SLC25A44: variants seen among roughly 807,000 people sequenced by gnomAD.
SLC25A44 encodes the protein solute carrier family 25, member 44.
A neutral mutation model predicts 29.9 loss-of-function variants in SLC25A44; 17 were observed. That is an observed-to-expected ratio of 0.57 (90% CI 0.39 to 0.85). SLC25A44 has a LOEUF of 0.85. SLC25A44 is among the 40% of genes least tolerant of loss of function. SLC25A44 has a pLI of 0.00. For synonymous variants in SLC25A44, 140 were observed against 151.8 expected, an observed-to-expected ratio of 0.92 and a Z score of 0.57; for missense variants, 302 against 398.4, an observed-to-expected ratio of 0.76 and a Z score of 2.06.
At chr1:156,201,086 G>A (rs903059753) in intron 2 of SLC25A44, among the ~76,000 whole-genome samples, 12 of 151,746 alleles carry the variant, frequency 7.9e-5, no homozygotes, top group African/African-American at 2.9e-4. Flanking sequence ...TGCCCGCCTC[G>A]GCCTCCCAAA....
intron 3 of SLC25A44, among the ~76,000 whole-genome samples, chr1:156,209,998 C>G (rs924013133): frequency 6.6e-6 from 1 of 151,896 alleles, no homozygotes; most frequent in African/African-American, 2.4e-5. Context: ...AATTGGGGCA[C>G]AAAGAGTTAA....
intron 2 of SLC25A44, among the ~76,000 whole-genome samples, chr1:156,206,046 T>G (rs1264257171): frequency 6.6e-6 from 1 of 152,208 alleles, no homozygotes; most frequent in East Asian, 1.9e-4. Context: ...TTTCTTGATA[T>G]AGGCTGGAGA....
At chr1:156,196,365 G>C (rs762636400) in intron 1 of SLC25A44, 2 of 152,166 alleles carry the variant, frequency 1.3e-5, no homozygotes, top group Admixed American at 6.5e-5. Context: ...TCCCTCTAAG[G>C]CATGACCCTT....
rs1027143799 is a variant in SLC25A44, at chr1:156,210,155, C to T, written c.754-85C>T. The T allele has an allele frequency of 1.1e-5, 11 of 994,298 alleles. No homozygotes were observed. The African/African-American group carries it at 1.3e-4, about 12-fold the overall frequency. 61.6% of individuals were successfully genotyped at this position (994,298 alleles called of 1,614,324 possible). On this transcript the variant is annotated intron_variant, in intron 3 of 3. Transcript: ENST00000359511. ...CCTTCCGACGTCGGAGTCTGGTTCTCCCCACTTTAGCCTAAGGCAGAGGGA... is the reference window on the plus strand; with the variant it reads ...CCTTCCGACGTCGGAGTCTGGTTCTTCCCACTTTAGCCTAAGGCAGAGGGA...
At chr1:156,202,134 T>C (rs1202993158) in intron 2 of SLC25A44, among the ~76,000 whole-genome samples, 1 of 152,204 alleles carries the variant, frequency 6.6e-6, no homozygotes. Context: ...GACTACTCCT[T>C]CTTTCTTGTC....
chr1:156,201,224 C>T (rs1160542735), intron 2 of SLC25A44, among the ~76,000 whole-genome samples: 3 of 152,070 alleles, frequency 2.0e-5, no homozygotes, highest in African/African-American at 7.3e-5. Context: ...TTAAGTATTT[C>T]CTATTTCCTA....
intron 2 of SLC25A44, among the ~76,000 whole-genome samples, chr1:156,203,699 C>CTTTTTTTTT (rs56890643): frequency 3.7e-5 from 4 of 106,782 alleles, no homozygotes; most frequent in African/African-American, 1.2e-4. Context: ...ATTCTCTTTC[C>CTTTTTTTTT]TTTTTTTTTT....
intron 2 of SLC25A44, 44 bp from the exon 3 acceptor site, chr1:156,207,842 G>A (rs1657052030): frequency 1.9e-6 from 3 of 1,610,848 alleles, no homozygotes; most frequent in South Asian, 2.2e-5. Context: ...GGGCAGACCG[G>A]TGGTGCTTTG....
intron 2 of SLC25A44, among the ~76,000 whole-genome samples, chr1:156,202,462 C>T (rs1558179198): frequency 1.3e-5 from 2 of 152,208 alleles, no homozygotes; most frequent in Non-Finnish European, 2.9e-5. Flanking sequence ...GTGCTGTAGC[C>T]TGGGCAGGTA....
chr1:156,206,016 A>T (rs1195579877), intron 2 of SLC25A44, among the ~76,000 whole-genome samples: 1 of 152,180 alleles, frequency 6.6e-6, no homozygotes, highest in Non-Finnish European at 1.5e-5. Context: ...CTTCATTAGC[A>T]TTTTGAAAGA....
chr1:156,196,252 T>C (rs1656204651), intron 1 of SLC25A44: 1 of 152,220 alleles, frequency 6.6e-6, no homozygotes, highest in Admixed American at 6.5e-5. Context: ...TTGGAAGTTA[T>C]GTAACAGAGC....
chr1:156,210,585 T>C lies in SLC25A44; in HGVS notation c.*154T>C. 2.2e-6 allele frequency: 1 copy of C among 455,024 alleles called. No individual in the cohort carries two copies. Among genetic ancestry groups the C allele is most frequent in the Non-Finnish European group, 3.9e-6 (1 of 257,698 alleles). The allele number at this position is 455,024 out of a possible 1,614,324, so 28.2% of individuals were successfully genotyped here. A position where few individuals can be genotyped will look rare whatever the true frequency, so the allele number is the denominator to read the frequency against. On this transcript the variant is annotated 3_prime_UTR_variant, in exon 4 of 4. Transcript: ENST00000359511. ...TGGGATAGGGATAGAGACTTTGAAC[T>C]GCTCTTGCTGAAGAGGCTCCACGCC...
chr1:156,205,046 A>C (rs2736606), intron 2 of SLC25A44, among the ~76,000 whole-genome samples: 1 of 148,102 alleles, frequency 6.8e-6, no homozygotes, highest in Non-Finnish European at 1.5e-5. Context: ...TGAGGAAAAA[A>C]TTTTTTTTTT....
At chr1:156,199,538 T>C (rs1656415960) in intron 1 of SLC25A44, 1 of 372,224 alleles carries the variant, frequency 2.7e-6, no homozygotes, top group Non-Finnish European at 4.9e-6. Context: ...TAAGCTGGGG[T>C]AGGGAGCCGA....
chr1:156,200,560 T>A, intron 2 of SLC25A44, 88 bp downstream of exon 2: 1 of 1,215,112 alleles, frequency 8.2e-7, no homozygotes, highest in Non-Finnish European at 1.1e-6. Flanking sequence ...AGAGTGGAGG[T>A]GAGATTTAAT....
chr1:156,195,276 T>C (rs1021560964), intron 1 of SLC25A44, among the ~76,000 whole-genome samples: 11 of 152,134 alleles, frequency 7.2e-5, no homozygotes, highest in Admixed American at 3.9e-4. Flanking sequence ...GCTAATTTTT[T>C]GTATTTTTAG....
chr1:156,200,318 A>T lies in SLC25A44; in HGVS notation c.471A>T (p.Gly157=), dbSNP rs1412860743. 1 of 1,614,040 alleles carries T rather than the reference A, an allele frequency of 6.2e-7. No homozygotes were observed. The highest frequency in any genetic ancestry group is 1.3e-5 in the African/African-American group (1 of 74,924). ...GRFQVRGNPE[G]QGVVAFGQTK... is the part of the protein sequence containing the mutation. Reference sequence around the variant, plus strand: ...TTCAGGTGCGGGGGAACCCAGAGGGACAAGGGGTAGTTGCCTTTGGCCAAA... The same window carrying T: ...TTCAGGTGCGGGGGAACCCAGAGGGTCAAGGGGTAGTTGCCTTTGGCCAAA... The change falls in exon 2 of 4, where the codon GGA becomes GGT. Residue 157 remains glycine, a synonymous_variant. Coordinates refer to ENST00000359511, the MANE Select transcript of SLC25A44 (RefSeq NM_014655.4).
At position 156,210,264 on chromosome 1, in the gene SLC25A44, C is replaced by A; in HGVS notation, c.778C>A (p.Leu260Met). 1 of 1,572,820 alleles carries A rather than the reference C, an allele frequency of 6.4e-7. No homozygotes were observed. The change falls in exon 4 of 4, where the codon CTG becomes ATG. Residue 260 changes from leucine (L) to methionine (M), a missense_variant. By Grantham distance (15) the Leu-to-Met change is conservative. Coordinates refer to ENST00000359511, the MANE Select transcript of SLC25A44 (RefSeq NM_014655.4). ...VQVEGKNSII[L>M]TFRQLMAEEG... ...GGTTGAGGGCAAGAACTCCATCATC[C>A]TGACCTTCAGACAGCTGATGGCAGA...
intron 2 of SLC25A44, 64 bp from the exon 3 acceptor site, chr1:156,207,822 A>G (rs1449918248): frequency 6.3e-7 from 1 of 1,585,972 alleles, no homozygotes; most frequent in African/African-American, 1.3e-5. Context: ...AGAAGCAGCA[A>G]GCACAGTGAG....
Sources: allele counts gnomAD v4.1 joint callset (sites outside exome capture counted in the v4.1 genomes callset), GRCh38; gene constraint gnomAD v4.1.1; transcripts MANE v1.5; gene names NCBI Gene and HGNC (gene_info 2026-07-23, HGNC 2026-07-21).